Variants in ARHGAP31 observed in about 807,000 individuals in gnomAD.
ARHGAP31 encodes Rho GTPase activating protein 31.
ARHGAP31 carries 34 observed loss-of-function variants against 113.9 expected under a neutral mutation model. The ratio of observed to expected loss-of-function variants is 0.30; its 90% CI spans 0.23 to 0.40. The LOEUF is 0.40. ARHGAP31 is among the 10% of genes least tolerant of loss of function. ARHGAP31 has a pLI of 1.00. For missense variants in ARHGAP31, 1,548 were observed against 1,767.1 expected, an observed-to-expected ratio of 0.88 and a Z score of 2.22; for synonymous variants, 650 against 684.8, an observed-to-expected ratio of 0.95 and a Z score of 0.79.
chr3:119,337,026 A>G (rs1474540646), intron 1 of ARHGAP31, among the ~76,000 whole-genome samples: 4 of 152,206 alleles, frequency 2.6e-5, no homozygotes, highest in African/African-American at 9.7e-5. Context: ...TATTCTATGG[A>G]TATACCACAG....
chr3:119,313,392 T>C (rs2079699622), intron 1 of ARHGAP31, among the ~76,000 whole-genome samples: 1 of 152,248 alleles, frequency 6.6e-6, no homozygotes, highest in Non-Finnish European at 1.5e-5. Flanking sequence ...CTGTAAGATT[T>C]CACTTATTAT....
chr3:119,414,907 GGAGA>G lies in ARHGAP31; in HGVS notation c.2983_2986del (p.Glu995LeufsTer9). 1 of 1,614,164 alleles carries G rather than the reference GGAGA, an allele frequency of 6.2e-7. No homozygotes were observed. Among genetic ancestry groups the G allele is most frequent in the Non-Finnish European group, 8.5e-7 (1 of 1,179,990 alleles). On this transcript the variant is annotated frameshift_variant, in exon 12 of 12. Coordinates refer to ENST00000264245, the MANE Select transcript of ARHGAP31 (RefSeq NM_020754.4). LOFTEE classifies it high-confidence loss of function. ...GACCCTCTTCAGCCCCAGGCACCCAGGAGAGAGATTACTGGATGGGATGAGAAAG... is the reference window on the plus strand; with the variant it reads ...GACCCTCTTCAGCCCCAGGCACCCAGGAGATTACTGGATGGGATGAGAAAG...
intron 10 of ARHGAP31, among the ~76,000 whole-genome samples, chr3:119,405,381 C>T (rs2080651002): frequency 6.6e-6 from 1 of 152,278 alleles, no homozygotes; most frequent in East Asian, 1.9e-4. Flanking sequence ...TTCCAGGCTC[C>T]TTCAGCCATA....
At position 119,415,917 on chromosome 3, in the gene ARHGAP31, T is replaced by G; in HGVS notation, c.3988T>G (p.Ser1330Ala). Residue 1330 changes from serine (S) to alanine (A), a missense_variant, in exon 12 of 12, where the codon TCT becomes GCT. Ser to Ala is a moderately conservative substitution (Grantham distance 99). Coordinates refer to ENST00000264245, the MANE Select transcript of ARHGAP31 (RefSeq NM_020754.4). Reference protein sequence around the residue: ...NLLSSKLERPSGGSKPFHRSR... With the variant: ...NLLSSKLERPAGGSKPFHRSR... ...TCTTTCTTCAAAACTAGAGCGACCA[T>G]CTGGGGGTTCTAAGCCTTTCCACAG... 1 of 1,614,186 alleles carries G rather than the reference T, an allele frequency of 6.2e-7. No individual in the cohort carries two copies. The highest frequency in any genetic ancestry group is 8.5e-7 in the Non-Finnish European group (1 of 1,180,034).
At chr3:119,359,442 A>G (rs2080186598) in intron 1 of ARHGAP31, among the ~76,000 whole-genome samples, 1 of 151,416 alleles carries the variant, frequency 6.6e-6, no homozygotes, top group South Asian at 2.1e-4. Flanking sequence ...AAAGTGGTTC[A>G]TTTGTTTTTT....
chr3:119,376,211 A>G (rs1559984290), intron 3 of ARHGAP31, among the ~76,000 whole-genome samples: 2 of 152,350 alleles, frequency 1.3e-5, no homozygotes, highest in East Asian at 3.9e-4. Context: ...CCTTAGGGCC[A>G]GGCTTGGTGG....
chr3:119,309,248 G>T (rs182814378), intron 1 of ARHGAP31, among the ~76,000 whole-genome samples: 1 of 152,322 alleles, frequency 6.6e-6, no homozygotes, highest in East Asian at 1.9e-4. Context: ...GGTTTGTGGA[G>T]AACATGTCAT....
At chr3:119,407,112 G>A (rs1334130084) in intron 10 of ARHGAP31, among the ~76,000 whole-genome samples, 1 of 151,998 alleles carries the variant, frequency 6.6e-6, no homozygotes, top group Non-Finnish European at 1.5e-5. Context: ...TTGGGAGGCC[G>A]GGGTAGGCAG....
In ARHGAP31 at chr3:119,420,057, A is replaced by G. The variant is rs1314036540; in HGVS notation, c.*3793A>G. The stretch of plus-strand genomic sequence containing the variant: ...TAAATTGTTCTTGTCAGTGTTTGGC[A>G]TATGATAATCACATTTGGCTAAAAT... On this transcript the variant is annotated 3_prime_UTR_variant, in exon 12 of 12. Transcript: ENST00000264245. 6.6e-6 allele frequency: 1 copy of G among 152,244 alleles called. No homozygotes were observed. Among genetic ancestry groups the G allele is most frequent in the Non-Finnish European group, 1.5e-5 (1 of 68,036 alleles). 9.4% of individuals were successfully genotyped at this position (152,244 alleles called of 1,614,324 possible).
At chr3:119,404,865 T>C (rs1298391386) in intron 10 of ARHGAP31, among the ~76,000 whole-genome samples, 8 of 152,250 alleles carry the variant, frequency 5.3e-5, no homozygotes, top group African/African-American at 1.9e-4. Flanking sequence ...TTCAAGAGCA[T>C]GTCCTGCTAA....
At chr3:119,372,833 G>A (rs1268919379) in intron 3 of ARHGAP31, among the ~76,000 whole-genome samples, 3 of 152,134 alleles carry the variant, frequency 2.0e-5, no homozygotes, top group Admixed American at 2.0e-4. Context: ...GCCTGGGGTG[G>A]TACAGCTAGT....
At chr3:119,353,780 T>C (rs935867971) in intron 1 of ARHGAP31, among the ~76,000 whole-genome samples, 7 of 86,244 alleles carry the variant, frequency 8.1e-5, no homozygotes, top group Admixed American at 1.7e-4. Flanking sequence ...AGAGCAAGAC[T>C]CCATCTCAAA....
intron 1 of ARHGAP31, among the ~76,000 whole-genome samples, chr3:119,339,466 G>A (rs2079988657): frequency 6.6e-6 from 1 of 152,106 alleles, no homozygotes; most frequent in African/African-American, 2.4e-5. Context: ...GAAAAAGAAA[G>A]ATAAAGTGGG....
chr3:119,390,681 G>A (rs1414825206), intron 6 of ARHGAP31, 104 bp from the exon 7 acceptor site: 2 of 1,283,126 alleles, frequency 1.6e-6, no homozygotes, highest in East Asian at 4.8e-5. Flanking sequence ...GTGGCACTCA[G>A]CCCCCATCAT....
intron 1 of ARHGAP31, among the ~76,000 whole-genome samples, chr3:119,331,792 C>T (rs866290365): frequency 2.2e-4 from 33 of 152,172 alleles, no homozygotes; most frequent in Admixed American, 6.5e-5. Flanking sequence ...AAGTTTGACT[C>T]AGAAGAAACC....
intron 1 of ARHGAP31, chr3:119,324,782 A>G (rs2079827730): frequency 2.6e-6 from 1 of 377,800 alleles, no homozygotes; most frequent in Non-Finnish European, 5.3e-6. Context: ...GCACAGTTGT[A>G]TCTATTCTAA....
At chr3:119,378,743 G>T (rs143930332) in intron 3 of ARHGAP31, among the ~76,000 whole-genome samples, 11 of 152,126 alleles carry the variant, frequency 7.2e-5, no homozygotes, top group African/African-American at 2.7e-4. Context: ...GGTTCTCACC[G>T]CCTTGCAGAG....
rs1035197741 is a variant in ARHGAP31, at chr3:119,417,667, C to T, written c.*1403C>T. ...CTCCAGGCACTCACTCAAACTTGCT[C>T]TTCAACTCTGTATACAAGCAGAAGC... On this transcript the variant is annotated 3_prime_UTR_variant, in exon 12 of 12. Transcript: ENST00000264245. The T allele has an allele frequency of 1.3e-5, 2 of 152,036 alleles. No individual in the cohort carries two copies. The highest frequency in any genetic ancestry group is 2.9e-5 in the Non-Finnish European group (2 of 68,030). 9.4% of individuals were successfully genotyped at this position (152,036 alleles called of 1,614,324 possible).
At chr3:119,331,471 T>TA (rs1273626398) in intron 1 of ARHGAP31, among the ~76,000 whole-genome samples, 2 of 152,068 alleles carry the variant, frequency 1.3e-5, no homozygotes, top group Non-Finnish European at 2.9e-5. Context: ...GACAAAACAG[T>TA]AAAAAATAAA....
Sources: allele counts gnomAD v4.1 joint callset (sites outside exome capture counted in the v4.1 genomes callset), GRCh38; gene constraint gnomAD v4.1.1; transcripts MANE v1.5; gene names NCBI Gene and HGNC (gene_info 2026-07-23, HGNC 2026-07-21).